N4BP2L2: variants seen among roughly 807,000 people sequenced by gnomAD.
N4BP2L2 encodes NEDD4-binding protein 2-like 2.
N4BP2L2 carries 50 observed loss-of-function variants against 56.2 expected under a neutral mutation model. The observed-to-expected ratio is 0.89, with a 90% confidence interval of 0.71 to 1.13. N4BP2L2 has a LOEUF of 1.13. Ranked by LOEUF, N4BP2L2 falls within the 50% of genes most tolerant of loss-of-function variation. The pLI, the probability that N4BP2L2 is intolerant of heterozygous loss-of-function variation, is 0.00. For missense variants in N4BP2L2, 689 were observed against 693.8 expected (o/e 0.99, Z 0.08); for synonymous variants, 203 against 223.6 (o/e 0.91, Z 0.82).
intron 6 of N4BP2L2, chr13:32,504,566 C>CT (rs558938712): frequency 1.3e-5 from 2 of 152,168 alleles, no homozygotes; most frequent in African/African-American, 2.4e-5. Context: ...GGAGTTAGGA[C>CT]TTTAACTTAT....
chr13:32,504,385 T>C (rs1348600480), intron 6 of N4BP2L2: 1 of 152,272 alleles, frequency 6.6e-6, no homozygotes, highest in Non-Finnish European at 1.5e-5. Flanking sequence ...CCTCAGTTTG[T>C]AGATGGCCTT....
chr13:32,440,607 C>A (rs912258633), intron 7 of N4BP2L2, among the ~76,000 whole-genome samples: 1 of 151,944 alleles, frequency 6.6e-6, no homozygotes, highest in African/African-American at 2.4e-5. Flanking sequence ...GGTTTACAGG[C>A]ATGTGCCACA....
intron 6 of N4BP2L2, among the ~76,000 whole-genome samples, chr13:32,476,667 G>C (rs954389608): frequency 1.1e-4 from 17 of 152,050 alleles, no homozygotes; most frequent in African/African-American, 3.9e-4. Context: ...GTAGCTCATA[G>C]CAAAAAATAA....
intron 6 of N4BP2L2, among the ~76,000 whole-genome samples, chr13:32,468,783 C>T (rs1484972337): frequency 1.3e-5 from 2 of 152,208 alleles, no homozygotes; most frequent in African/African-American, 4.8e-5. Flanking sequence ...ATGCCCTGCA[C>T]ACCCAGAGAA....
At chr13:32,521,263 C>T (rs2050815374) in intron 5 of N4BP2L2, 110 bp downstream of exon 5, 1 of 843,510 alleles carries the variant, frequency 1.2e-6, no homozygotes, top group Admixed American at 2.5e-5. Flanking sequence ...TCACATTTTA[C>T]CCTCAGTTTC....
intron 8 of N4BP2L2, among the ~76,000 whole-genome samples, chr13:32,437,041 C>A (rs140097916): frequency 6.6e-6 from 1 of 151,830 alleles, no homozygotes; most frequent in African/African-American, 2.4e-5. Flanking sequence ...CCACCACACA[C>A]GGCTAATTTT....
intron 9 of N4BP2L2, among the ~76,000 whole-genome samples, chr13:32,433,931 C>CAAAAAAAAAAAAAAAAAAAA (rs60540916): frequency 1.2e-5 from 1 of 86,126 alleles, no homozygotes; most frequent in Non-Finnish European, 2.2e-5. Context: ...GACCGTGTCT[C>CAAAAAAAAAAAAAAAAAAAA]AAAAAAAAAA....
At chr13:32,489,750 G>C (rs1253041691) in intron 6 of N4BP2L2, among the ~76,000 whole-genome samples, 2 of 133,218 alleles carry the variant, frequency 1.5e-5, no homozygotes, top group Non-Finnish European at 1.6e-5. Context: ...CCAAGATTTG[G>C]TCAATTCCCC....
intron 6 of N4BP2L2, among the ~76,000 whole-genome samples, chr13:32,458,360 C>T (rs924939669): frequency 3.9e-5 from 6 of 152,144 alleles, no homozygotes; most frequent in South Asian, 4.1e-4. Context: ...CCACTGTGCC[C>T]GGCCAAATTG....
At chr13:32,469,614 T>C (rs1394300444) in intron 6 of N4BP2L2, among the ~76,000 whole-genome samples, 2 of 152,174 alleles carry the variant, frequency 1.3e-5, no homozygotes, top group Non-Finnish European at 2.9e-5. Flanking sequence ...AGGCAACTAA[T>C]GTCGGCAGCG....
rs560345961 is a variant in N4BP2L2, at chr13:32,489,706, T to C, written c.365+28151A>G. ...CATTAACTCCAATTCTATCAAAAGGTTCATCCTGTAATATTACAAATCTAG... is the reference window on the plus strand; with the variant it reads ...CATTAACTCCAATTCTATCAAAAGGCTCATCCTGTAATATTACAAATCTAG... On this transcript the variant is annotated intron_variant, in intron 6 of 9. Transcript: ENST00000357505. Among the ~76,000 whole-genome samples the C allele has an allele frequency of 2.0e-5, 3 of 151,720 alleles. No homozygotes were observed. In the South Asian group the frequency reaches 6.3e-4, roughly 32 times the overall value.
intron 6 of N4BP2L2, among the ~76,000 whole-genome samples, chr13:32,479,142 A>C (rs1389436970): frequency 6.6e-6 from 1 of 152,142 alleles, no homozygotes; most frequent in African/African-American, 2.4e-5. Context: ...TCTCAAAAAA[A>C]AAATAAAAAA....
At chr13:32,513,872 CACAACT>C (rs2048651124) in exon 6 of N4BP2L2, 1 of 152,144 alleles carries the variant, frequency 6.6e-6, no homozygotes, top group African/African-American at 2.4e-5. Flanking sequence ...CACTAGAACA[CACAACT>C]ACATTTCTTC....
At chr13:32,514,782 C>G (rs918371809) in exon 6 of N4BP2L2, 6 of 152,204 alleles carry the variant, frequency 3.9e-5, no homozygotes, top group African/African-American at 1.4e-4. Context: ...TTCCTCCATT[C>G]TGTTTTTAAT....
chr13:32,516,761 T>C (rs1447007655), exon 6 of N4BP2L2: 4 of 306,154 alleles, frequency 1.3e-5, no homozygotes, highest in East Asian at 1.7e-4. Context: ...TCAGAAGACA[T>C]TGGTAACAAT....
At chr13:32,529,208 A>G (rs1232788286) in intron 2 of N4BP2L2, among the ~76,000 whole-genome samples, 1 of 152,262 alleles carries the variant, frequency 6.6e-6, no homozygotes, top group Admixed American at 6.5e-5. Flanking sequence ...TTATAAAATC[A>G]CTTGTATCAA....
At chr13:32,499,778 T>C (rs541737891) in intron 6 of N4BP2L2, among the ~76,000 whole-genome samples, 1 of 152,302 alleles carries the variant, frequency 6.6e-6, no homozygotes, top group Admixed American at 6.5e-5. Context: ...AAAGCCTTTG[T>C]TCAGGGCTGG....
chr13:32,519,325 C>G (rs890901932), intron 5 of N4BP2L2, among the ~76,000 whole-genome samples: 2 of 151,486 alleles, frequency 1.3e-5, no homozygotes, highest in African/African-American at 4.9e-5. Flanking sequence ...GGGTAGATCG[C>G]TTGAGTCCAG....
chr13:32,519,839 T>G (rs1476198081), intron 5 of N4BP2L2, among the ~76,000 whole-genome samples: 5 of 152,164 alleles, frequency 3.3e-5, no homozygotes, highest in Admixed American at 1.3e-4. Context: ...CTTTGTTATA[T>G]AAAGGTAAAT....
Sources: allele counts gnomAD v4.1 joint callset (sites outside exome capture counted in the v4.1 genomes callset), GRCh38; gene constraint gnomAD v4.1.1; transcripts MANE v1.5; gene names NCBI Gene and HGNC (gene_info 2026-07-23, HGNC 2026-07-21).